Variants in NPIPA5 observed in about 807,000 individuals in gnomAD.
NPIPA5 encodes the protein nuclear pore complex-interacting protein family member A5.
NPIPA5 carries 6 observed loss-of-function variants against 21.4 expected under a neutral mutation model. The observed-to-expected ratio is 0.28, with a 90% CI of 0.15 to 0.55. NPIPA5 has a LOEUF of 0.55. NPIPA5 is among the 20% of genes least tolerant of loss of function. The pLI is 0.93. For missense variants in NPIPA5, 99 were observed against 318.2 expected, an observed-to-expected ratio of 0.31 and a Z score of 5.24; for synonymous variants, 33 against 115.3, an observed-to-expected ratio of 0.29 and a Z score of 4.57.
At chr16:15,368,989 A>C (rs2050065260) in intron 4 of NPIPA5, among the ~76,000 whole-genome samples, 1 of 134,820 alleles carries the variant, frequency 7.4e-6, no homozygotes, top group Non-Finnish European at 1.6e-5. Context: ...AAAAAAAAAA[A>C]AAAAAAAAAA....
intron 4 of NPIPA5, among the ~76,000 whole-genome samples, chr16:15,369,039 A>T (rs976556530): frequency 3.4e-5 from 5 of 146,908 alleles, no homozygotes; most frequent in Non-Finnish European, 7.5e-5. Flanking sequence ...CCTGTAATCC[A>T]AGCTACTCGG....
chr16:15,366,767 G>A lies in NPIPA5; in HGVS notation c.438-7C>T, dbSNP rs1202696317. The A allele has an allele frequency of 8.1e-6, 12 of 1,485,148 alleles. No homozygotes were observed. The highest frequency in any genetic ancestry group is 2.5e-5 in the East Asian group (1 of 40,642). 92.0% of individuals were successfully genotyped at this position (1,485,148 alleles called of 1,614,324 possible). A position where few individuals can be genotyped will look rare whatever the true frequency, so the allele number is the denominator to read the frequency against. ...CATGCTTAGTTTCCTCAGACTAGAA[G>A]GGAGAGAAATGCACACACATGATCC... On this transcript the variant is annotated splice_region_variant and splice_polypyrimidine_tract_variant and intron_variant, in intron 4 of 7. Transcript: ENST00000360151.
At chr16:15,371,060 A>AT (rs2050144705) in intron 2 of NPIPA5, among the ~76,000 whole-genome samples, 1 of 138,214 alleles carries the variant, frequency 7.2e-6, no homozygotes, top group Non-Finnish European at 1.6e-5. Context: ...AAAAAAAAAA[A>AT]AATGACATGA....
At chr16:15,374,505 G>C (rs1190498203) in intron 1 of NPIPA5, among the ~76,000 whole-genome samples, 30 of 148,350 alleles carry the variant, frequency 2.0e-4, no homozygotes, top group East Asian at 4.0e-4. Flanking sequence ...CATTTTTTTT[G>C]TTTTTGTTTG....
At chr16:15,372,039 C>T (rs1325997533) in intron 2 of NPIPA5, among the ~76,000 whole-genome samples, 1 of 147,420 alleles carries the variant, frequency 6.8e-6, no homozygotes, top group East Asian at 2.0e-4. Context: ...CAAAGAAATG[C>T]CATCACACAT....
chr16:15,369,145 C>A (rs994658764), intron 4 of NPIPA5, among the ~76,000 whole-genome samples: 1 of 145,748 alleles, frequency 6.9e-6, no homozygotes, highest in African/African-American at 2.5e-5. Flanking sequence ...GAGCGAGACT[C>A]TATCTCAAAA....
chr16:15,374,450 C>T (rs2050237460), intron 1 of NPIPA5, among the ~76,000 whole-genome samples: 1 of 151,728 alleles, frequency 6.6e-6, no homozygotes, highest in Non-Finnish European at 1.5e-5. Context: ...CCTGCCTCGG[C>T]CTCCCAAAGT....
In NPIPA5 at chr16:15,371,564, G is replaced by A. The variant is rs1236483807; in HGVS notation, c.193-1445C>T. On this transcript the variant is annotated intron_variant, in intron 2 of 7. Transcript: ENST00000360151. ...GTCAACCATGCTGAAGTGCAGTGGC[G>A]CTACCTTGGCTCACGGCAACCTCCA... is the stretch of plus-strand genomic sequence containing the variant. 2.1e-4 allele frequency among the ~76,000 whole-genome samples: 30 copies of A among 144,046 alleles called. 1 individual carries two copies. The highest frequency in any genetic ancestry group is 3.2e-3 in the Middle Eastern group (1 of 310). 94.5% of individuals were successfully genotyped at this position (144,046 alleles called of 152,430 possible). A position where few individuals can be genotyped will look rare whatever the true frequency, so the allele number is the denominator to read the frequency against.
intron 4 of NPIPA5, among the ~76,000 whole-genome samples, chr16:15,368,239 A>T (rs1417823904): frequency 2.7e-5 from 4 of 148,540 alleles, no homozygotes; most frequent in African/African-American, 9.9e-5. Flanking sequence ...CCCATACTGA[A>T]GTCCACTGGC....
At chr16:15,367,372 G>A (rs986406331) in intron 4 of NPIPA5, among the ~76,000 whole-genome samples, 11 of 152,228 alleles carry the variant, frequency 7.2e-5, no homozygotes, top group South Asian at 6.2e-4. Flanking sequence ...TGAATGCTGG[G>A]CGCATCTATT....
intron 1 of NPIPA5, among the ~76,000 whole-genome samples, chr16:15,374,452 T>A (rs1343431217): frequency 6.6e-6 from 1 of 151,702 alleles, no homozygotes; most frequent in Non-Finnish European, 1.5e-5. Context: ...TGCCTCGGCC[T>A]CCCAAAGTGC....
intron 4 of NPIPA5, among the ~76,000 whole-genome samples, chr16:15,369,006 T>C (rs1487192022): frequency 2.9e-5 from 3 of 102,596 alleles, no homozygotes; most frequent in Non-Finnish European, 6.0e-5. Flanking sequence ...AAAAAAAAAA[T>C]TGGCCGAATG....
chr16:15,368,356 A>C (rs1841009759), intron 4 of NPIPA5, among the ~76,000 whole-genome samples: 1 of 152,020 alleles, frequency 6.6e-6, no homozygotes, highest in South Asian at 2.1e-4. Flanking sequence ...TGCAGCCTGT[A>C]TGGAGGACCC....
intron 1 of NPIPA5, among the ~76,000 whole-genome samples, chr16:15,375,738 T>C (rs898256061): frequency 9.4e-5 from 12 of 127,284 alleles, no homozygotes; most frequent in African/African-American, 3.3e-4. Flanking sequence ...CGAGACTCTG[T>C]CTCAAAAAAA....
intron 4 of NPIPA5, among the ~76,000 whole-genome samples, chr16:15,366,997 T>C (rs2049993754): frequency 1.3e-5 from 2 of 152,044 alleles, no homozygotes; most frequent in African/African-American, 4.8e-5. Context: ...CATAGTTCCA[T>C]AGTTAGTCCT....
At chr16:15,379,293 G>C (rs1031654025), upstream of NPIPA5, among the ~76,000 whole-genome samples, 7 of 152,230 alleles carry the variant, frequency 4.6e-5, no homozygotes, top group Non-Finnish European at 1.0e-4. Flanking sequence ...ACAGGGGCTG[G>C]GTGTGGTGGC....
At chr16:15,376,879 C>A (rs1474248227) in intron 1 of NPIPA5, among the ~76,000 whole-genome samples, 2 of 152,074 alleles carry the variant, frequency 1.3e-5, no homozygotes, top group Admixed American at 1.3e-4. Flanking sequence ...GAGGCTGAGG[C>A]AGGACAATTG....
rs2049913647 is a variant in NPIPA5, at chr16:15,363,704, G to A, written c.1008C>T (p.Cys336=). ...TCCGCTGAGGGTGGAAGGGGAGTGA[G>A]CAGACACACTCGGGAGGTGTCTTGA... ...DNLKTPPECV[C]SLPFHPQRMI... The change falls in exon 8 of 8, where the codon TGC becomes TGT. Residue 336 remains cysteine (C), a synonymous_variant. Coordinates refer to ENST00000360151, the MANE Select transcript of NPIPA5 (RefSeq NM_001277325.2). 1.4e-6 allele frequency: 2 copies of A among 1,461,688 alleles called. No individual in the cohort carries two copies. The highest frequency in any genetic ancestry group is 9.1e-7 in the Non-Finnish European group (1 of 1,098,856). 90.5% of individuals were successfully genotyped at this position (1,461,688 alleles called of 1,614,324 possible). A position where few individuals can be genotyped will look rare whatever the true frequency, so the allele number is the denominator to read the frequency against.
At chr16:15,379,770 C>A (rs1035515372), upstream of NPIPA5, among the ~76,000 whole-genome samples, 3 of 151,896 alleles carry the variant, frequency 2.0e-5, no homozygotes, top group Non-Finnish European at 2.9e-5. Context: ...TATGGTGAAA[C>A]CCCATCTCTA....
Sources: allele counts gnomAD v4.1 joint callset (sites outside exome capture counted in the v4.1 genomes callset), GRCh38; gene constraint gnomAD v4.1.1; transcripts MANE v1.5; gene names NCBI Gene and HGNC (gene_info 2026-07-23, HGNC 2026-07-21).